Variants in ABCA1 observed in about 807,000 individuals in gnomAD.
ABCA1 encodes the protein phospholipid-transporting ATPase ABCA1.
ABCA1 carries 133 observed loss-of-function variants against 262.5 expected under a neutral mutation model. The observed-to-expected ratio is 0.51, with a 90% CI of 0.44 to 0.59. The LOEUF is 0.59. ABCA1 is among the 20% of genes least tolerant of loss of function. ABCA1 has a pLI of 0.00. For synonymous variants in ABCA1, 1,022 were observed against 1,043.5 expected (o/e 0.98, Z 0.40); for missense variants, 2,452 against 2,777.5 (o/e 0.88, Z 2.63).
At chr9:104,834,098 C>G (rs1588345565) in intron 11 of ABCA1, among the ~76,000 whole-genome samples, 2 of 149,984 alleles carry the variant, frequency 1.3e-5, no homozygotes, top group Non-Finnish European at 3.0e-5. Context: ...AGCTTTTCCC[C>G]CCTTGCGCCT....
intron 1 of ABCA1, among the ~76,000 whole-genome samples, chr9:104,907,217 T>C (rs1172714481): frequency 6.6e-6 from 1 of 152,226 alleles, no homozygotes; most frequent in African/African-American, 2.4e-5. Context: ...GTGAGTTCTC[T>C]TGTCCTAAGA....
At chr9:104,859,670 T>C (rs1164818382) in intron 6 of ABCA1, among the ~76,000 whole-genome samples, 2 of 152,238 alleles carry the variant, frequency 1.3e-5, no homozygotes, top group Middle Eastern at 3.2e-3. Flanking sequence ...CTGCCAGAGA[T>C]ACTCAAGCAC....
At chr9:104,785,979 CT>C (rs1182284482) in intron 48 of ABCA1, among the ~76,000 whole-genome samples, 1 of 152,182 alleles carries the variant, frequency 6.6e-6, no homozygotes, top group East Asian at 1.9e-4. Context: ...TTGTGTTTGA[CT>C]CCAAAGCTTG....
intron 5 of ABCA1, among the ~76,000 whole-genome samples, chr9:104,862,419 A>G (rs1317257325): frequency 2.2e-5 from 2 of 91,906 alleles, no homozygotes; most frequent in Non-Finnish European, 4.0e-5. Context: ...TTTCTCTTCT[A>G]AATGATCTCA....
intron 7 of ABCA1, among the ~76,000 whole-genome samples, chr9:104,846,333 T>C (rs1442041113): frequency 6.6e-6 from 1 of 152,194 alleles, no homozygotes; most frequent in African/African-American, 2.4e-5. Context: ...GTGAGATCAG[T>C]TTCTTCACTG....
At chr9:104,839,580 GC>G (rs1680656349) in intron 9 of ABCA1, among the ~76,000 whole-genome samples, 1 of 152,054 alleles carries the variant, frequency 6.6e-6, no homozygotes, top group African/African-American at 2.4e-5. Context: ...TTATTATAAA[GC>G]TTATCTCAAT....
chr9:104,892,748 G>A (rs746426746), intron 2 of ABCA1, among the ~76,000 whole-genome samples: 1 of 152,172 alleles, frequency 6.6e-6, no homozygotes, highest in Non-Finnish European at 1.5e-5. Flanking sequence ...GTATTCAAGA[G>A]TCATGTTTAT....
chr9:104,835,118 T>C (rs1247944053), intron 11 of ABCA1, among the ~76,000 whole-genome samples: 3 of 151,758 alleles, frequency 2.0e-5, no homozygotes, highest in Non-Finnish European at 2.9e-5. Context: ...CACAGTGATA[T>C]GTGCCTGTAA....
chr9:104,859,471 T>C (rs1836153929), intron 6 of ABCA1, among the ~76,000 whole-genome samples: 2 of 148,604 alleles, frequency 1.3e-5, no homozygotes, highest in South Asian at 4.1e-4. Flanking sequence ...CCAGTATTTG[T>C]TGAAGGAATG....
chr9:104,813,235 C>T (rs1286788088), intron 27 of ABCA1, among the ~76,000 whole-genome samples: 1 of 152,146 alleles, frequency 6.6e-6, no homozygotes, highest in African/African-American at 2.4e-5. Context: ...ACTCTTTGAG[C>T]AGGGGTGAGA....
In ABCA1 at chr9:104,796,351, GAGGACACAT is replaced by G; in HGVS notation, c.5186_5194del (p.Tyr1729_Ser1731del). 2 of 1,614,210 alleles carry G rather than the reference GAGGACACAT, an allele frequency of 1.2e-6. No homozygotes were observed. Among genetic ancestry groups the G allele is most frequent in the Non-Finnish European group, 1.7e-6 (2 of 1,180,032 alleles). ...AAGGGCTAGCACAGGCAGATTGGTGGAGGACACATAGGACTTCTGCTGGAAGCAGATGAA... is the reference window on the plus strand; with the variant it reads ...AAGGGCTAGCACAGGCAGATTGGTGGAGGACTTCTGCTGGAAGCAGATGAA... On this transcript the variant is annotated inframe_deletion, in exon 38 of 50. Transcript: ENST00000374736.
Position 104,832,712 on chromosome 9 carries a change from A to T in ABCA1, c.1371T>A (p.Asp457Glu), listed in dbSNP as rs369118870. Residue 457 changes from aspartate (D) to glutamate (E), a missense_variant, in exon 12 of 50, where the codon GAT becomes GAA. Asp to Glu is a conservative substitution (Grantham distance 45, BLOSUM62 2). Transcript: ENST00000374736. ...HFWEQQLDGL[D>E]WTAQDIVAFL... ...ACGCCACGATGTCTTGGGCTGTCCAATCTAAGCCATCCAACTGCTGTTCCC... is the reference window on the plus strand; with the variant it reads ...ACGCCACGATGTCTTGGGCTGTCCATTCTAAGCCATCCAACTGCTGTTCCC... 6.2e-7 allele frequency: 1 copy of T among 1,614,196 alleles called. No homozygotes were observed. The highest frequency in any genetic ancestry group is 8.5e-7 in the Non-Finnish European group (1 of 1,180,040).
At chr9:104,830,032 G>A (rs1219137256) in intron 14 of ABCA1, among the ~76,000 whole-genome samples, 1 of 150,798 alleles carries the variant, frequency 6.6e-6, no homozygotes. Context: ...CCAGAATCTG[G>A]AAGAAACATT....
chr9:104,898,361 C>G (rs895869107), intron 2 of ABCA1, among the ~76,000 whole-genome samples: 2 of 151,814 alleles, frequency 1.3e-5, no homozygotes, highest in Non-Finnish European at 2.9e-5. Context: ...CCAGCCTGGC[C>G]AATATGGTGA....
chr9:104,918,030 G>C (rs1588592028), intron 1 of ABCA1, among the ~76,000 whole-genome samples: 1 of 152,116 alleles, frequency 6.6e-6, no homozygotes. Context: ...AAAAATTTGA[G>C]TCAACTTGAG....
intron 3 of ABCA1, among the ~76,000 whole-genome samples, chr9:104,884,926 A>G (rs1230104361): frequency 6.6e-6 from 1 of 152,140 alleles, no homozygotes; most frequent in Non-Finnish European, 1.5e-5. Flanking sequence ...TTCATACTCT[A>G]AGGAGGTAAC....
At chr9:104,798,048 T>C (rs1830047000) in intron 37 of ABCA1, among the ~76,000 whole-genome samples, 1 of 152,240 alleles carries the variant, frequency 6.6e-6, no homozygotes, top group Non-Finnish European at 1.5e-5. Context: ...GACAGATGGC[T>C]TTCCTAGTAA....
intron 5 of ABCA1, among the ~76,000 whole-genome samples, chr9:104,877,477 A>G (rs905648916): frequency 6.6e-6 from 1 of 152,246 alleles, no homozygotes. Flanking sequence ...CCATCCAAGT[A>G]CTGACCAAGT....
At position 104,787,858 on chromosome 9, in the gene ABCA1, T is replaced by C. The variant is rs567965047; in HGVS notation, c.6204+62A>G. 20 of 1,613,804 alleles carry C rather than the reference T, an allele frequency of 1.2e-5. No individual in the cohort carries two copies. In the East Asian group the frequency reaches 3.3e-4, roughly 27 times the overall value. On this transcript the variant is annotated intron_variant, in intron 46 of 49. Coordinates refer to ENST00000374736, the MANE Select transcript of ABCA1 (RefSeq NM_005502.4). ...CAACAGCCCTGGACATATAGGACTT[T>C]TGAACAGTCATGTTTTCCACTCAGG...
Sources: gnomAD v4.1 joint callset for allele counts (sites outside exome capture counted in the v4.1 genomes callset) on GRCh38, gnomAD v4.1.1 for gene constraint, MANE v1.5 for transcripts, NCBI Gene and HGNC (gene_info 2026-07-23, HGNC 2026-07-21) for gene names.